The following MECOM variants were observed in gnomAD, a reference collection of about 807,000 sequenced individuals.
The protein encoded by MECOM is histone-lysine N-methyltransferase MECOM.
Under a neutral mutation model 116.3 loss-of-function variants are expected in MECOM, and 13 were observed. That is an observed-to-expected ratio of 0.11 (90% CI 0.07 to 0.18). The LOEUF (loss-of-function observed/expected upper bound fraction) is 0.18, where lower values mean the gene tolerates loss of function less well. Ranked by LOEUF, MECOM falls within the 10% of genes least tolerant of loss-of-function variation. The pLI is 1.00. For missense variants in MECOM, 1,299 were observed against 1,509.0 expected (o/e 0.86, Z 2.31); for synonymous variants, 528 against 535.2 (o/e 0.99, Z 0.19).
intron 2 of MECOM, among the ~76,000 whole-genome samples, chr3:169,230,385 C>T (rs911582474): frequency 3.3e-5 from 5 of 152,052 alleles, no homozygotes; most frequent in African/African-American, 1.2e-4. Context: ...TACAGCTGAC[C>T]TTAGCTTTTC....
At chr3:169,624,706 T>C (rs1054205724) in intron 1 of MECOM, among the ~76,000 whole-genome samples, 2 of 152,216 alleles carry the variant, frequency 1.3e-5, no homozygotes, top group Non-Finnish European at 2.9e-5. Context: ...CTGGTCATTG[T>C]TATTCACCCA....
chr3:169,241,054 C>T (rs1754736389), intron 2 of MECOM, among the ~76,000 whole-genome samples: 1 of 152,168 alleles, frequency 6.6e-6, no homozygotes, highest in Non-Finnish European at 1.5e-5. Flanking sequence ...TTTCAAGACC[C>T]TTGTCTGCTT....
At chr3:169,281,801 T>C (rs1229855897) in intron 2 of MECOM, among the ~76,000 whole-genome samples, 1 of 152,054 alleles carries the variant, frequency 6.6e-6, no homozygotes, top group Non-Finnish European at 1.5e-5. Flanking sequence ...GACAATGAGA[T>C]CCTGTCTCAA....
intron 1 of MECOM, among the ~76,000 whole-genome samples, chr3:169,662,240 C>G (rs1360858482): frequency 1.3e-5 from 2 of 152,142 alleles, no homozygotes; most frequent in Non-Finnish European, 2.9e-5. Flanking sequence ...GCCGGGCAGG[C>G]AGGGGGCGCC....
chr3:169,524,964 G>A (rs1279549380), intron 1 of MECOM, among the ~76,000 whole-genome samples: 2 of 146,346 alleles, frequency 1.4e-5, no homozygotes. Flanking sequence ...AAACTAAACT[G>A]CATACTTGTT....
intron 1 of MECOM, among the ~76,000 whole-genome samples, chr3:169,436,537 ACCGTGCCTGG>A (rs1455611587): frequency 2.0e-5 from 3 of 152,182 alleles, no homozygotes; most frequent in Non-Finnish European, 4.4e-5. Flanking sequence ...GGTGTGAGGC[ACCGTGCCTGG>A]CCCTAAATGG....
chr3:169,403,393 C>T (rs1042160634), intron 1 of MECOM, among the ~76,000 whole-genome samples: 5 of 152,194 alleles, frequency 3.3e-5, no homozygotes, highest in African/African-American at 9.7e-5. Flanking sequence ...GGTCCAACAT[C>T]CCAAGAGTCT....
At chr3:169,606,282 G>A (rs1474533377) in intron 1 of MECOM, among the ~76,000 whole-genome samples, 2 of 151,844 alleles carry the variant, frequency 1.3e-5, no homozygotes, top group Admixed American at 6.6e-5. Flanking sequence ...GTGTGGTGGT[G>A]CATGCTTGTA....
intron 1 of MECOM, among the ~76,000 whole-genome samples, chr3:169,456,013 A>C (rs1007201006): frequency 6.6e-6 from 1 of 151,674 alleles, no homozygotes; most frequent in Non-Finnish European, 1.5e-5. Context: ...TTTTCCTTTT[A>C]AAAAAATTAT....
chr3:169,324,883 C>G (rs1272228846), intron 2 of MECOM, among the ~76,000 whole-genome samples: 3 of 152,160 alleles, frequency 2.0e-5, no homozygotes, highest in East Asian at 3.9e-4. Flanking sequence ...CCTACCACCC[C>G]CCTCCCTTCT....
chr3:169,150,540 A>C (rs1374605148), intron 2 of MECOM, among the ~76,000 whole-genome samples: 2 of 152,232 alleles, frequency 1.3e-5, no homozygotes, highest in Non-Finnish European at 2.9e-5. Flanking sequence ...GTAATCTCAA[A>C]CCAGCTTTAA....
chr3:169,465,778 A>C (rs752827188), intron 1 of MECOM, among the ~76,000 whole-genome samples: 1 of 152,202 alleles, frequency 6.6e-6, no homozygotes, highest in Non-Finnish European at 1.5e-5. Context: ...GAGATAAGTG[A>C]TTACTTCTAA....
intron 2 of MECOM, among the ~76,000 whole-genome samples, chr3:169,279,735 T>G (rs1711534741): frequency 6.6e-6 from 1 of 152,232 alleles, no homozygotes; most frequent in African/African-American, 2.4e-5. Flanking sequence ...TTGCCCAATA[T>G]TCAATCTACA....
At chr3:169,564,888 A>G (rs1763045113) in intron 1 of MECOM, among the ~76,000 whole-genome samples, 1 of 152,226 alleles carries the variant, frequency 6.6e-6, no homozygotes, top group Admixed American at 6.5e-5. Context: ...AAATTTATAC[A>G]TGAAGATCCT....
In MECOM at chr3:169,453,603, G is replaced by C. The variant is rs1745971583; in HGVS notation, c.38-72079C>G. On this transcript the variant is annotated intron_variant, in intron 1 of 16. Coordinates refer to ENST00000651503, the MANE Select transcript of MECOM (RefSeq NM_004991.4). The stretch of plus-strand genomic sequence containing the variant: ...TAAGGCATAATCAATATCATATATG[G>C]AGTGTCTGGCCTATTCTGCATAAAC... Among the ~76,000 whole-genome samples, 12 of 152,250 alleles carry C rather than the reference G, an allele frequency of 7.9e-5. No homozygotes were observed. The South Asian group carries it at 2.5e-3, about 32-fold the overall frequency.
At chr3:169,637,293 A>T (rs1016768978) in intron 1 of MECOM, among the ~76,000 whole-genome samples, 4 of 152,194 alleles carry the variant, frequency 2.6e-5, no homozygotes, top group Non-Finnish European at 5.9e-5. Context: ...TGAGACCGCA[A>T]ATGAGACCAC....
At position 169,258,653 on chromosome 3, in the gene MECOM, A is replaced by G. The variant is rs867028541; in HGVS notation, c.376-114821T>C. Among the ~76,000 whole-genome samples the G allele has an allele frequency of 1.2e-4, 19 of 152,306 alleles. No individual in the cohort carries two copies. The Middle Eastern group carries it at 0.014, about 109-fold the overall frequency. On this transcript the variant is annotated intron_variant, in intron 2 of 16. Coordinates refer to ENST00000651503, the MANE Select transcript of MECOM (RefSeq NM_004991.4). ...CTACCTTTTAGATAATGCTTACTTC[A>G]GGAATTATGTCTCGCTGTCTGAAAA...
At chr3:169,100,101 C>CTTTTTTTTTTTTTTTTTT (rs869032341) in intron 12 of MECOM, among the ~76,000 whole-genome samples, 3 of 50,632 alleles carry the variant, frequency 5.9e-5, no homozygotes, top group African/African-American at 1.5e-4. Context: ...TTCTTTCTTT[C>CTTTTTTTTTTTTTTTTTT]TTTTTTTTTT....
intron 2 of MECOM, chr3:169,146,720 T>A: frequency 8.2e-7 from 1 of 1,225,644 alleles, no homozygotes; most frequent in Non-Finnish European, 1.0e-6. Context: ...GGAGTTCTCT[T>A]ACCTTTAGAT....
Sources: gnomAD v4.1 joint callset for allele counts (sites outside exome capture counted in the v4.1 genomes callset) on GRCh38, gnomAD v4.1.1 for gene constraint, MANE v1.5 for transcripts, NCBI Gene and HGNC (gene_info 2026-07-23, HGNC 2026-07-21) for gene names.